FBXO15: variants seen among roughly 807,000 people sequenced by gnomAD.
FBXO15 encodes F-box protein 15.
In FBXO15, 30 loss-of-function variants were observed where a neutral mutation model predicts 49.5. The ratio of observed to expected loss-of-function variants is 0.61; its 90% CI spans 0.45 to 0.82. FBXO15 has a LOEUF of 0.82. Ranked by LOEUF, FBXO15 falls within the 40% of genes least tolerant of loss-of-function variation. FBXO15 has a pLI of 0.00. For synonymous variants in FBXO15, 250 were observed against 232.7 expected (o/e 1.07, Z -0.68); for missense variants, 591 against 631.5 (o/e 0.94, Z 0.69).
intron 6 of FBXO15, among the ~76,000 whole-genome samples, chr18:74,125,230 T>C (rs566285306): frequency 6.6e-6 from 1 of 152,192 alleles, no homozygotes; most frequent in East Asian, 1.9e-4. Context: ...GCTGGATGCA[T>C]GCGAGTCACC....
chr18:74,118,128 G>T (rs1015700641), intron 8 of FBXO15, among the ~76,000 whole-genome samples: 16 of 151,710 alleles, frequency 1.1e-4, no homozygotes, highest in Admixed American at 2.6e-4. Flanking sequence ...CTCTCAAGTA[G>T]CTGAGACTAC....
At chr18:74,088,001 G>A (rs1912824765) in intron 8 of FBXO15, among the ~76,000 whole-genome samples, 1 of 152,156 alleles carries the variant, frequency 6.6e-6, no homozygotes, top group Non-Finnish European at 1.5e-5. Flanking sequence ...CTTGTTGGCA[G>A]CATGTACGTC....
chr18:74,103,330 A>C (rs150028822), intron 8 of FBXO15, among the ~76,000 whole-genome samples: 2 of 151,888 alleles, frequency 1.3e-5, no homozygotes, highest in East Asian at 3.9e-4. Flanking sequence ...TCAGAGGAAA[A>C]AAGAAAAAAG....
At chr18:74,095,794 A>G (rs765198022) in intron 8 of FBXO15, among the ~76,000 whole-genome samples, 5 of 152,228 alleles carry the variant, frequency 3.3e-5, no homozygotes, top group Non-Finnish European at 7.3e-5. Context: ...AAAAACTACA[A>G]TATCTTAGAC....
chr18:74,105,376 A>G (rs1913707222), intron 8 of FBXO15, among the ~76,000 whole-genome samples: 1 of 152,202 alleles, frequency 6.6e-6, no homozygotes, highest in Non-Finnish European at 1.5e-5. Flanking sequence ...AGTTATATAA[A>G]TGTATTATCA....
chr18:74,118,330 C>T (rs771966751), intron 8 of FBXO15, among the ~76,000 whole-genome samples: 1 of 149,930 alleles, frequency 6.7e-6, no homozygotes, highest in Non-Finnish European at 1.5e-5. Context: ...GTGGCTCATG[C>T]TTGTAATCCC....
intron 8 of FBXO15, among the ~76,000 whole-genome samples, chr18:74,105,825 AG>A (rs1344191963): frequency 6.6e-6 from 1 of 152,170 alleles, no homozygotes; most frequent in Non-Finnish European, 1.5e-5. Flanking sequence ...CTGTAGTTGG[AG>A]GGATAGATGA....
intron 8 of FBXO15, among the ~76,000 whole-genome samples, chr18:74,082,429 G>A (rs1912542990): frequency 6.6e-6 from 1 of 152,210 alleles, no homozygotes; most frequent in South Asian, 2.1e-4. Flanking sequence ...GAAGAAAGCA[G>A]GTGCAGAAAT....
chr18:74,147,740 G>A lies in FBXO15; in HGVS notation c.46C>T (p.Leu16Phe), dbSNP rs1306186901. 10 of 1,536,594 alleles carry A rather than the reference G, an allele frequency of 6.5e-6. No individual in the cohort carries two copies. The highest frequency in any genetic ancestry group is 2.0e-5 in the Admixed American group (1 of 50,304). Residue 16 changes from leucine (L) to phenylalanine (F), a missense_variant, in exon 1 of 10, where the codon CTC becomes TTC. By Grantham distance (22) the Leu-to-Phe change is conservative. Coordinates refer to ENST00000419743, the MANE Select transcript of FBXO15 (RefSeq NM_001142958.2). The part of the protein sequence containing the change: ...GRILQQHWLG[L>F]QTLRGPSRGG... ...CTGCTGGGCCCGCGCAGCGTCTGGA[G>A]GCCGAGCCAGTGCTGCTGCAAGATC...
At position 74,135,884 on chromosome 18, in the gene FBXO15, G is replaced by GA. The variant is rs5826303; in HGVS notation, c.228-19dup. 0.15 allele frequency: 228,637 copies of GA among 1,495,766 alleles called. 10,905 individuals are homozygous for GA. The highest frequency in any genetic ancestry group is 0.35 in the East Asian group (14,655 of 41,434). The allele number at this position is 1,495,766 out of a possible 1,614,324, so 92.7% of individuals were successfully genotyped here. A position where few individuals can be genotyped will look rare whatever the true frequency, so the allele number is the denominator to read the frequency against. Reference sequence around the variant, plus strand: ...AAGGCATTCTGCAAAAACAGAAAAAGAAAAAAAAAATCACCAGAGTGGACC... The same window carrying GA: ...AAGGCATTCTGCAAAAACAGAAAAAGAAAAAAAAAAATCACCAGAGTGGACC... On this transcript the variant is annotated intron_variant, in intron 2 of 9. Transcript: ENST00000419743.
chr18:74,113,620 C>G (rs537026425), intron 8 of FBXO15, among the ~76,000 whole-genome samples: 2 of 152,128 alleles, frequency 1.3e-5, no homozygotes, highest in African/African-American at 2.4e-5. Flanking sequence ...TTTAGAAAAA[C>G]TCAAATGATA....
chr18:74,120,019 A>C (rs1914407468), intron 8 of FBXO15, among the ~76,000 whole-genome samples: 1 of 152,220 alleles, frequency 6.6e-6, no homozygotes, highest in Non-Finnish European at 1.5e-5. Flanking sequence ...TGAGGGCTGC[A>C]GCCATGGAGA....
intron 8 of FBXO15, among the ~76,000 whole-genome samples, chr18:74,102,106 T>C (rs1028094910): frequency 6.6e-6 from 1 of 152,056 alleles, no homozygotes; most frequent in African/African-American, 2.4e-5. Flanking sequence ...AAAATAAAGA[T>C]AAATAGCTGG....
rs759100583 is a variant in FBXO15, at chr18:74,130,495, C to T, written c.496G>A (p.Val166Ile). The stretch of plus-strand genomic sequence containing the variant: ...AGAATGTCAGCTAGTGCGGCTTTTA[C>T]AGATGCTATTTGTTTTGTGATATAT... The part of the protein sequence containing the change: ...KEYITKQIAS[V>I]KAALADILKP... The change falls in exon 4 of 10, where the codon GTA becomes ATA. Residue 166 changes from valine (V) to isoleucine (I), a missense_variant. Physicochemically the swap from Val to Ile is conservative, Grantham distance 29. Transcript: ENST00000419743. 2.5e-6 allele frequency: 4 copies of T among 1,614,074 alleles called. No individual in the cohort carries two copies. The highest frequency in any genetic ancestry group is 3.4e-6 in the Non-Finnish European group (4 of 1,180,026).
At chr18:74,106,542 C>T (rs920464253) in intron 8 of FBXO15, among the ~76,000 whole-genome samples, 5 of 152,064 alleles carry the variant, frequency 3.3e-5, no homozygotes, top group Non-Finnish European at 7.4e-5. Context: ...AAGGTAGGTA[C>T]TAATGTTTTC....
intron 2 of FBXO15, among the ~76,000 whole-genome samples, chr18:74,136,524 C>A (rs1978735689): frequency 6.6e-6 from 1 of 152,172 alleles, no homozygotes; most frequent in African/African-American, 2.4e-5. Context: ...GCAGCTTATT[C>A]CCACCTCGCC....
chr18:74,079,002 C>A (rs565036660), intron 9 of FBXO15, among the ~76,000 whole-genome samples: 16 of 152,198 alleles, frequency 1.1e-4, no homozygotes, highest in Admixed American at 2.0e-4. Context: ...TGCTGACCCA[C>A]GATGTACCCA....
intron 8 of FBXO15, among the ~76,000 whole-genome samples, chr18:74,119,367 T>G (rs2145181517): frequency 6.6e-6 from 1 of 152,296 alleles, no homozygotes; most frequent in Admixed American, 6.5e-5. Flanking sequence ...GATATTTATG[T>G]GCAAGCCTAC....
intron 8 of FBXO15, among the ~76,000 whole-genome samples, chr18:74,121,938 G>C (rs868110879): frequency 6.6e-6 from 1 of 152,068 alleles, no homozygotes; most frequent in Non-Finnish European, 1.5e-5. Flanking sequence ...ATAATAAAAC[G>C]CCCTCCACTT....
Sources: allele counts gnomAD v4.1 joint callset (sites outside exome capture counted in the v4.1 genomes callset), GRCh38; gene constraint gnomAD v4.1.1; transcripts MANE v1.5; gene names NCBI Gene and HGNC (gene_info 2026-07-23, HGNC 2026-07-21).